The following CNTLN variants were observed in gnomAD, a reference collection of about 807,000 sequenced individuals.
CNTLN encodes centlein, centrosomal protein.
A neutral mutation model predicts 180.0 loss-of-function variants in CNTLN; 212 were observed. That is an observed-to-expected ratio of 1.18 (90% CI 1.05 to 1.32). The LOEUF is 1.32. Among genes scored for constraint, CNTLN ranks in the 40% most tolerant of loss-of-function variants. The pLI is 0.00. For missense variants in CNTLN, 2,095 were observed against 1,610.9 expected (o/e 1.30, Z -5.14); for synonymous variants, 722 against 563.1 (o/e 1.28, Z -3.99).
chr9:17,261,620 G>T (rs1005450409), intron 5 of CNTLN, among the ~76,000 whole-genome samples: 11 of 151,410 alleles, frequency 7.3e-5, no homozygotes, highest in Non-Finnish European at 1.6e-4. Flanking sequence ...TCAGTGACAA[G>T]GGGTAACGTG....
intron 2 of CNTLN, among the ~76,000 whole-genome samples, chr9:17,183,055 AT>A (rs780301636): frequency 4.3e-4 from 66 of 152,292 alleles, no homozygotes; most frequent in Non-Finnish European, 4.9e-4. Flanking sequence ...TAGAATCTGT[AT>A]TTACTAATGA....
intron 13 of CNTLN, among the ~76,000 whole-genome samples, chr9:17,372,480 A>T (rs1824406547): frequency 6.6e-6 from 1 of 152,122 alleles, no homozygotes; most frequent in Non-Finnish European, 1.5e-5. Context: ...TGATGCCATA[A>T]TGCAGAGGCT....
At chr9:17,467,030 A>T (rs1197475743) in intron 23 of CNTLN, 139 bp downstream of exon 23, 1 of 481,858 alleles carries the variant, frequency 2.1e-6, no homozygotes, top group Non-Finnish European at 3.6e-6. Flanking sequence ...TATTTATCAC[A>T]TTGCTAATAA....
At chr9:17,401,352 C>T (rs1010056303) in intron 15 of CNTLN, among the ~76,000 whole-genome samples, 12 of 151,722 alleles carry the variant, frequency 7.9e-5, no homozygotes, top group African/African-American at 2.9e-4. Flanking sequence ...TAGTACGGTA[C>T]ATTAAAGCAA....
chr9:17,419,554 C>T (rs1430516153), intron 18 of CNTLN, among the ~76,000 whole-genome samples: 2 of 151,888 alleles, frequency 1.3e-5, no homozygotes, highest in Non-Finnish European at 2.9e-5. Flanking sequence ...TTAATTTAGA[C>T]AAAAAGTAGG....
chr9:17,241,404 C>T (rs958189854), intron 5 of CNTLN, among the ~76,000 whole-genome samples: 150 of 152,200 alleles, frequency 9.9e-4, no homozygotes, highest in African/African-American at 3.3e-3. Flanking sequence ...TATTCTGCTC[C>T]ATTGGTCTAT....
intron 7 of CNTLN, among the ~76,000 whole-genome samples, chr9:17,307,992 A>ACACG (rs1397458409): frequency 2.0e-5 from 3 of 151,192 alleles, no homozygotes; most frequent in Non-Finnish European, 3.0e-5. Context: ...ACACACACAC[A>ACACG]CACACACACA....
intron 12 of CNTLN, among the ~76,000 whole-genome samples, chr9:17,352,548 C>T (rs141684012): frequency 1.8e-3 from 279 of 151,366 alleles, no homozygotes; most frequent in Middle Eastern, 3.4e-3. Flanking sequence ...TTCAGGTAAC[C>T]ATTAACAATA....
chr9:17,198,281 G>A (rs1822264940), intron 2 of CNTLN, among the ~76,000 whole-genome samples: 1 of 151,202 alleles, frequency 6.6e-6, no homozygotes, highest in Non-Finnish European at 1.5e-5. Flanking sequence ...AATATCCTTG[G>A]TATTTTGATA....
At chr9:17,330,528 A>G (rs1470840724) in intron 8 of CNTLN, 104 bp from the exon 9 acceptor site, 2 of 609,614 alleles carry the variant, frequency 3.3e-6, no homozygotes, top group East Asian at 6.8e-5. Flanking sequence ...CCTTCTCTGA[A>G]TATTTACAAT....
intron 5 of CNTLN, among the ~76,000 whole-genome samples, chr9:17,261,511 T>C (rs1442121069): frequency 2.6e-5 from 4 of 151,546 alleles, no homozygotes; most frequent in Non-Finnish European, 5.9e-5. Flanking sequence ...CTGATTTTTG[T>C]GCATTGATTT....
In CNTLN at chr9:17,298,734, A is replaced by G. The variant is rs545206307; in HGVS notation, c.1146+382A>G. The G allele has an allele frequency of 2.8e-4, 276 of 989,514 alleles. No individual in the cohort carries two copies. In the African/African-American group the frequency reaches 4.8e-3, roughly 17 times the overall value. 61.3% of individuals were successfully genotyped at this position (989,514 alleles called of 1,614,324 possible). On this transcript the variant is annotated intron_variant, in intron 7 of 25. Coordinates refer to ENST00000380647, the MANE Select transcript of CNTLN (RefSeq NM_017738.4). Reference sequence around the variant, plus strand: ...CAGACTTTCATTGTAAAATTTGTACATTATTTTTCGGCAAATCTTCACAAA... The same window carrying G: ...CAGACTTTCATTGTAAAATTTGTACGTTATTTTTCGGCAAATCTTCACAAA...
In CNTLN at chr9:17,444,979, A is replaced by G. The variant is rs757643531; in HGVS notation, c.3115-12545A>G. 2.2e-4 allele frequency among the ~76,000 whole-genome samples: 34 copies of G among 152,298 alleles called. No individual in the cohort carries two copies. The Middle Eastern group carries it at 0.024, about 107-fold the overall frequency. On this transcript the variant is annotated intron_variant, in intron 18 of 25. Coordinates refer to ENST00000380647, the MANE Select transcript of CNTLN (RefSeq NM_017738.4). The stretch of plus-strand genomic sequence containing the variant: ...ATAAAGGAAATTTCTACTCTATGCT[A>G]TGAAAGACTTTTTTTGGTAATTTTT...
intron 2 of CNTLN, among the ~76,000 whole-genome samples, chr9:17,147,780 C>A (rs943766740): frequency 2.6e-5 from 4 of 152,026 alleles, no homozygotes; most frequent in Non-Finnish European, 5.9e-5. Context: ...TTGTATTTAA[C>A]CACTGTAATT....
At chr9:17,354,202 A>G (rs1293972737) in intron 12 of CNTLN, among the ~76,000 whole-genome samples, 4 of 152,088 alleles carry the variant, frequency 2.6e-5, no homozygotes, top group Non-Finnish European at 4.4e-5. Context: ...GCAGCCCGCC[A>G]TGCCTGAGCC....
In CNTLN at chr9:17,342,576, A is replaced by G. The variant is rs1207140184; in HGVS notation, c.1886+132A>G. ...GATTTTTGCCAATAAAAGTAAAGAA[A>G]AAAAGACTAGCTTTTAAAAATATAT... On this transcript the variant is annotated intron_variant, in intron 12 of 25. Transcript: ENST00000380647. The G allele has an allele frequency of 6.3e-6, 5 of 791,512 alleles. No individual in the cohort carries two copies. The African/African-American group carries it at 7.1e-5, about 11-fold the overall frequency. The allele number at this position is 791,512 out of a possible 1,614,324, so 49.0% of individuals were successfully genotyped here.
chr9:17,185,861 T>C (rs926680207), intron 2 of CNTLN, among the ~76,000 whole-genome samples: 1 of 150,906 alleles, frequency 6.6e-6, no homozygotes, highest in Non-Finnish European at 1.5e-5. Flanking sequence ...GGTGAGCTCA[T>C]GCCTTACTGT....
intron 2 of CNTLN, among the ~76,000 whole-genome samples, chr9:17,212,039 C>T (rs372449875): frequency 3.0e-4 from 46 of 151,670 alleles, no homozygotes; most frequent in African/African-American, 1.0e-3. Flanking sequence ...AATTGAATAC[C>T]CTTTATTTCT....
At chr9:17,450,700 T>A (rs16935647) in intron 18 of CNTLN, among the ~76,000 whole-genome samples, 10,518 of 152,178 alleles carry the variant, frequency 0.069, 1,220 homozygotes, top group African/African-American at 0.24. Flanking sequence ...TGACATTTTG[T>A]GAAACATAGT....
Sources: gnomAD v4.1 joint callset for allele counts (sites outside exome capture counted in the v4.1 genomes callset) on GRCh38, gnomAD v4.1.1 for gene constraint, MANE v1.5 for transcripts, NCBI Gene and HGNC (gene_info 2026-07-23, HGNC 2026-07-21) for gene names.